Variants in ZNF469 observed in about 807,000 individuals in gnomAD.
ZNF469 encodes zinc finger protein 469.
ZNF469 carries 1 observed loss-of-function variant against 1.0 expected under a neutral mutation model. The ratio of observed to expected loss-of-function variants is 1.00; its 90% CI spans 0.35 to 4.73. ZNF469 has a LOEUF of 4.73. Ranked by LOEUF, ZNF469 falls within the 30% of genes most tolerant of loss-of-function variation. The pLI is 0.16. For missense variants in ZNF469, 6,100 were observed against 5,356.3 expected, an observed-to-expected ratio of 1.14 and a Z score of -4.33; for synonymous variants, 2,703 against 2,363.4, an observed-to-expected ratio of 1.14 and a Z score of -4.17.
the ZNF469 span, among the ~76,000 whole-genome samples, chr16:88,119,977 C>G: frequency 6.6e-6 from 1 of 152,174 alleles, no homozygotes; most frequent in Non-Finnish European, 1.5e-5. Flanking sequence ...CTGCCGCCGC[C>G]GTGCGTGCTG....
the ZNF469 span, among the ~76,000 whole-genome samples, chr16:88,243,001 C>T: frequency 4.6e-5 from 7 of 152,316 alleles, no homozygotes; most frequent in East Asian, 1.9e-4. Flanking sequence ...GACACTGATG[C>T]GGTGGGGGAT....
Position 88,430,921 on chromosome 16 carries a change from GC to G in ZNF469, c.3456del (p.Ala1153ArgfsTer111). The G allele has an allele frequency of 2.0e-6, 3 of 1,536,790 alleles. No individual in the cohort carries two copies. ...AARQEAGGDGAPANPEEPGGS... is the reference protein window; with the variant it reads ...AARQEAGGDGXPANPEEPGGS... ...GAGGCAGGAAGCCGGCGGGGACGGA[GC>G]CCCCGCGAACCCCGAGGAGCCGGGC... On this transcript the variant is annotated frameshift_variant, in exon 3 of 3. Transcript: ENST00000565624. LOFTEE classifies it low-confidence loss of function (END_TRUNC).
chr16:88,416,363 C>T (rs539777935), intron 1 of ZNF469, among the ~76,000 whole-genome samples: 11 of 152,152 alleles, frequency 7.2e-5, no homozygotes, highest in Non-Finnish European at 1.6e-4. Flanking sequence ...GCTGCCCGGG[C>T]GTCCTCATCT....
chr16:88,147,394 G>T, the ZNF469 span, among the ~76,000 whole-genome samples: 3 of 152,190 alleles, frequency 2.0e-5, no homozygotes, highest in South Asian at 2.1e-4. Context: ...AGAGACTGTG[G>T]CCATCGTTCT....
At chr16:88,216,864 T>G in the ZNF469 span, among the ~76,000 whole-genome samples, 1 of 152,152 alleles carries the variant, frequency 6.6e-6, no homozygotes, top group Non-Finnish European at 1.5e-5. Context: ...TTATGTTCTA[T>G]TAAACTGTTT....
the ZNF469 span, among the ~76,000 whole-genome samples, chr16:88,377,273 C>G: frequency 1.3e-5 from 2 of 152,234 alleles, no homozygotes; most frequent in African/African-American, 4.8e-5. Context: ...CGTTGCTGCT[C>G]AGAGCCTCAC....
chr16:88,400,710 C>A (rs1904828191), intron 1 of ZNF469, among the ~76,000 whole-genome samples: 1 of 149,704 alleles, frequency 6.7e-6, no homozygotes, highest in African/African-American at 2.5e-5. Flanking sequence ...AGGCTGAGGG[C>A]AAGCTGGGAT....
intron 1 of ZNF469, among the ~76,000 whole-genome samples, chr16:88,423,861 T>TG (rs1218203132): frequency 6.6e-6 from 1 of 152,228 alleles, no homozygotes; most frequent in Non-Finnish European, 1.5e-5. Context: ...GGCCCAATCT[T>TG]GAAGTCCAGC....
chr16:88,296,518 CCACA>C, the ZNF469 span, among the ~76,000 whole-genome samples: 3 of 151,332 alleles, frequency 2.0e-5, no homozygotes, highest in Non-Finnish European at 4.4e-5. Context: ...CTCACCCTCC[CCACA>C]CACACACAGG....
chr16:88,342,861 C>G, the ZNF469 span, among the ~76,000 whole-genome samples: 1 of 152,216 alleles, frequency 6.6e-6, no homozygotes. Context: ...TTGTCGGGAC[C>G]CAGTTGCAGG....
chr16:88,126,947 G>C, the ZNF469 span, among the ~76,000 whole-genome samples: 1 of 152,164 alleles, frequency 6.6e-6, no homozygotes, highest in African/African-American at 2.4e-5. Context: ...AGCCTCCCGA[G>C]TAGCTGGGAT....
chr16:88,169,090 G>C, the ZNF469 span, among the ~76,000 whole-genome samples: 1 of 152,172 alleles, frequency 6.6e-6, no homozygotes, highest in Admixed American at 6.5e-5. This position sits in a 1 kb window ranked among gnomAD's most constrained non-coding sequence, Gnocchi z 6.1. Context: ...GGACAGGCCG[G>C]AAGTGTGTGC....
At chr16:88,327,334 G>C in the ZNF469 span, among the ~76,000 whole-genome samples, 1 of 152,298 alleles carries the variant, frequency 6.6e-6, no homozygotes, top group Admixed American at 6.5e-5. Flanking sequence ...TCCCGGCCTC[G>C]CCTCTCCTTT....
chr16:88,385,010 A>G lies in ZNF469; in HGVS notation c.-192+1756A>G, dbSNP rs564175909. On this transcript the variant is annotated intron_variant, in intron 1 of 2. Transcript: ENST00000565624. ...CAGCACATCTGCTCAGCTGTTACAC[A>G]TGGCTGCCTTTGGATAATTTTAATA... 7.9e-5 allele frequency among the ~76,000 whole-genome samples: 12 copies of G among 152,192 alleles called. 1 individual carries two copies. The highest frequency in any genetic ancestry group is 2.9e-4 in the African/African-American group (12 of 41,530).
At chr16:88,208,577 AGGAGAGAGGGAG>A in the ZNF469 span, among the ~76,000 whole-genome samples, 2 of 24,368 alleles carry the variant, frequency 8.2e-5, no homozygotes, top group East Asian at 2.4e-3. Context: ...GAGAGAGGGA[AGGAGAGAGGGAG>A]GGAGAGAAAG....
intron 1 of ZNF469, among the ~76,000 whole-genome samples, chr16:88,402,564 G>A (rs957287611): frequency 1.3e-5 from 2 of 152,122 alleles, no homozygotes; most frequent in Non-Finnish European, 2.9e-5. Flanking sequence ...GTTTCCCTCT[G>A]TGAGTAGAGA....
rs1415150537 is a variant in ZNF469 at position 88,429,940 on chromosome 16, C to G, written c.2470C>G (p.Pro824Ala). The change falls in exon 3 of 3, where the codon CCC becomes GCC. Residue 824 changes from proline (P) to alanine (A), a missense_variant. Physicochemically the swap from Pro to Ala is conservative, Grantham distance 27. Transcript: ENST00000565624. ...CTTCCTGCCCAGCCTGGCCGCCACCCCCTTCCCGCTCCCTGCCTCGGACCT... is the reference window on the plus strand; with the variant it reads ...CTTCCTGCCCAGCCTGGCCGCCACCGCCTTCCCGCTCCCTGCCTCGGACCT... ...TGFLPSLAAT[P>A]FPLPASDLDM... The G allele has an allele frequency of 2.6e-6, 4 of 1,550,334 alleles. No individual in the cohort carries two copies. The East Asian group carries it at 9.8e-5, about 38-fold the overall frequency.
chr16:88,430,005 A>T lies in ZNF469; in HGVS notation c.2535A>T (p.Thr845=). The change falls in exon 3 of 3, where the codon ACA becomes ACT. Residue 845 remains threonine, a synonymous_variant. Coordinates refer to ENST00000565624, the MANE Select transcript of ZNF469 (RefSeq NM_001367624.2). ...ACGCCAAGCTGGACAGCCTCATCAC[A>T]GAGGCGCTCAACGGCATGGAGTACC... The part of the protein sequence containing the change: ...EDDAKLDSLI[T]EALNGMEYQS... 6.5e-7 allele frequency: 1 copy of T among 1,550,326 alleles called. No homozygotes were observed. Among genetic ancestry groups the T allele is most frequent in the Non-Finnish European group, 8.7e-7 (1 of 1,146,954 alleles).
the ZNF469 span, among the ~76,000 whole-genome samples, chr16:88,323,477 C>G: frequency 3.3e-5 from 5 of 152,216 alleles, no homozygotes; most frequent in Admixed American, 2.6e-4. Flanking sequence ...CACTCAGCAG[C>G]AAAGGCCCCA....
Sources: gnomAD v4.1 joint callset for allele counts (sites outside exome capture counted in the v4.1 genomes callset) on GRCh38, gnomAD v4.1.1 for gene constraint, Gnocchi (gnomAD v3.1) non-coding constraint, MANE v1.5 for transcripts, NCBI Gene and HGNC (gene_info 2026-07-23, HGNC 2026-07-21) for gene names.